Variants in CASQ2 observed in about 807,000 individuals in gnomAD.
The protein encoded by CASQ2 is calsequestrin 2.
CASQ2 carries 49 observed loss-of-function variants against 46.5 expected under a neutral mutation model. The ratio of observed to expected loss-of-function variants is 1.05; its 90% CI spans 0.84 to 1.34. The LOEUF (loss-of-function observed/expected upper bound fraction) is 1.34, where lower values mean the gene tolerates loss of function less well. CASQ2 is among the 40% of genes most tolerant of loss of function. CASQ2 has a pLI of 0.00. For synonymous variants in CASQ2, 174 were observed against 168.5 expected, an observed-to-expected ratio of 1.03 and a Z score of -0.25; for missense variants, 486 against 481.3, an observed-to-expected ratio of 1.01 and a Z score of -0.09.
intron 4 of CASQ2, among the ~76,000 whole-genome samples, chr1:115,733,434 G>A (rs1433305305): frequency 6.6e-6 from 1 of 152,210 alleles, no homozygotes; most frequent in Non-Finnish European, 1.5e-5. Flanking sequence ...TGACATCACA[G>A]AAGTATTTTA....
chr1:115,750,683 A>C (rs2101108379), intron 1 of CASQ2, among the ~76,000 whole-genome samples: 1 of 152,050 alleles, frequency 6.6e-6, no homozygotes, highest in East Asian at 1.9e-4. Context: ...TAATTGTCTA[A>C]GTTTTGTCGA....
Position 115,725,557 on chromosome 1 carries a change from GAAA to G in CASQ2, c.738-7_738-5del, listed in dbSNP as rs56889721. ...GCGCAGGCGACGTAGAGTGGGTCTG[GAAA>G]AAAAAAAAAAAAAAAAAAAAGAAAG... On this transcript the variant is annotated splice_region_variant and splice_polypyrimidine_tract_variant and intron_variant, in intron 6 of 10. Coordinates refer to ENST00000261448, the MANE Select transcript of CASQ2 (RefSeq NM_001232.4). 131,282 of 1,340,408 alleles carry G rather than the reference GAAA, an allele frequency of 0.098. 422 individuals carry two copies. The highest frequency in any genetic ancestry group is 0.17 in the African/African-American group (10,003 of 57,748). 83.0% of individuals were successfully genotyped at this position (1,340,408 alleles called of 1,614,324 possible). A position where few individuals can be genotyped will look rare whatever the true frequency, so the allele number is the denominator to read the frequency against.
At chr1:115,759,014 A>G (rs1417763513) in intron 1 of CASQ2, among the ~76,000 whole-genome samples, 1 of 152,238 alleles carries the variant, frequency 6.6e-6, no homozygotes, top group Admixed American at 6.5e-5. Flanking sequence ...TAGAGAAGGT[A>G]AAATGAGTGC....
intron 10 of CASQ2, among the ~76,000 whole-genome samples, chr1:115,702,375 A>G (rs1450230687): frequency 6.6e-6 from 1 of 152,198 alleles, no homozygotes; most frequent in African/African-American, 2.4e-5. Flanking sequence ...ACTGAGATCT[A>G]AGATTTCCTC....
chr1:115,710,021 A>G (rs759577044), intron 8 of CASQ2, among the ~76,000 whole-genome samples: 1 of 152,058 alleles, frequency 6.6e-6, no homozygotes, highest in Non-Finnish European at 1.5e-5. Flanking sequence ...TTTTATTACT[A>G]TTTGTAAAGA....
intron 5 of CASQ2, among the ~76,000 whole-genome samples, chr1:115,727,482 C>T (rs1013818558): frequency 6.6e-6 from 1 of 152,162 alleles, no homozygotes; most frequent in Non-Finnish European, 1.5e-5. Flanking sequence ...TATTTACTAT[C>T]CTGTGTTGTA....
intron 8 of CASQ2, among the ~76,000 whole-genome samples, chr1:115,716,662 G>A (rs1252753331): frequency 2.6e-5 from 4 of 152,120 alleles, no homozygotes; most frequent in African/African-American, 7.2e-5. Flanking sequence ...GTTCTTGAAA[G>A]CATCTCCAAA....
intron 8 of CASQ2, among the ~76,000 whole-genome samples, chr1:115,706,233 C>A (rs1356397877): frequency 1.3e-5 from 2 of 152,046 alleles, no homozygotes; most frequent in East Asian, 3.9e-4. Context: ...GAAACACAAG[C>A]CATGTGTGCA....
chr1:115,711,606 T>TTTCC (rs1654547930), intron 8 of CASQ2, among the ~76,000 whole-genome samples: 1 of 151,174 alleles, frequency 6.6e-6, no homozygotes, highest in Non-Finnish European at 1.5e-5. Flanking sequence ...TTTTTTTTTT[T>TTTCC]CACTACTTTG....
Position 115,727,060 on chromosome 1 carries a change from C to G in CASQ2, c.669G>C (p.Glu223Asp). Residue 223 changes from glutamate to aspartate, a missense_variant, in exon 6 of 11, where the codon GAG (glutamate) becomes GAC (aspartate). By Grantham distance (45) the Glu-to-Asp change is conservative. Transcript: ENST00000261448. ...AAGGTTTGTTGGGGATGGCAATGGG[C>G]TCATCCATAAATGGCTCATAGAAGT... ...EVDFYEPFMD[E>D]PIAIPNKPYT... 1 of 1,610,458 alleles carries G rather than the reference C, an allele frequency of 6.2e-7. No individual in the cohort carries two copies. The highest frequency in any genetic ancestry group is 1.7e-5 in the Admixed American group (1 of 59,946).
At chr1:115,723,038 A>T (rs1246694521) in intron 7 of CASQ2, among the ~76,000 whole-genome samples, 2 of 152,138 alleles carry the variant, frequency 1.3e-5, no homozygotes, top group East Asian at 3.8e-4. Context: ...ACAGAGGGAG[A>T]ATCCGTCTCA....
At chr1:115,714,383 T>C (rs1376459732) in intron 8 of CASQ2, among the ~76,000 whole-genome samples, 1 of 152,190 alleles carries the variant, frequency 6.6e-6, no homozygotes, top group Non-Finnish European at 1.5e-5. Context: ...ACGTTCCTCA[T>C]CTGACACTAG....
At chr1:115,765,256 A>C (rs1570863960) in intron 1 of CASQ2, among the ~76,000 whole-genome samples, 1 of 152,312 alleles carries the variant, frequency 6.6e-6, no homozygotes, top group South Asian at 2.1e-4. Context: ...GGGCCCCAAC[A>C]AAAATTAGGT....
chr1:115,704,162 T>C (rs1195064235), intron 9 of CASQ2, among the ~76,000 whole-genome samples: 1 of 152,232 alleles, frequency 6.6e-6, no homozygotes, highest in Non-Finnish European at 1.5e-5. Context: ...TTCAGGACCC[T>C]TGAGATCCCT....
At chr1:115,737,173 AAAG>A (rs1442490489) in intron 4 of CASQ2, among the ~76,000 whole-genome samples, 1 of 152,212 alleles carries the variant, frequency 6.6e-6, no homozygotes, top group East Asian at 1.9e-4. Flanking sequence ...AAAATTGCCT[AAAG>A]AAGAACTGGG....
intron 5 of CASQ2, among the ~76,000 whole-genome samples, chr1:115,731,890 A>C (rs1400517511): frequency 6.6e-6 from 1 of 152,066 alleles, no homozygotes; most frequent in Admixed American, 6.6e-5. Context: ...CTGGCACATA[A>C]AAATTTTTTT....
At chr1:115,759,366 C>CT (rs1278052274) in intron 1 of CASQ2, among the ~76,000 whole-genome samples, 1 of 152,196 alleles carries the variant, frequency 6.6e-6, no homozygotes, top group Non-Finnish European at 1.5e-5. Flanking sequence ...AAATTAGTTT[C>CT]TGAGGGAACA....
intron 1 of CASQ2, among the ~76,000 whole-genome samples, chr1:115,762,858 T>G (rs537123081): frequency 3.9e-5 from 6 of 152,262 alleles, no homozygotes; most frequent in African/African-American, 1.4e-4. Context: ...GAGTCGATGA[T>G]TCCTCATCCC....
chr1:115,728,477 T>C (rs1421672978), intron 5 of CASQ2, among the ~76,000 whole-genome samples: 1 of 151,994 alleles, frequency 6.6e-6, no homozygotes, highest in Non-Finnish European at 1.5e-5. Flanking sequence ...AGGGGGGTGA[T>C]GTAGATGATG....
Sources: allele counts gnomAD v4.1 joint callset (sites outside exome capture counted in the v4.1 genomes callset), GRCh38; gene constraint gnomAD v4.1.1; transcripts MANE v1.5; gene names NCBI Gene and HGNC (gene_info 2026-07-23, HGNC 2026-07-21).